Variants in SLIT1 observed in about 807,000 individuals in gnomAD.
SLIT1 encodes slit guidance ligand 1.
Under a neutral mutation model 186.1 loss-of-function variants are expected in SLIT1, and 66 were observed. The ratio of observed to expected loss-of-function variants is 0.35; its 90% CI spans 0.29 to 0.44. The LOEUF is 0.44. Among genes scored for constraint, SLIT1 ranks in the 20% least tolerant of loss-of-function variants. The pLI is 1.00. For synonymous variants in SLIT1, 761 were observed against 833.8 expected, an observed-to-expected ratio of 0.91 and a Z score of 1.50; for missense variants, 1,638 against 2,037.4, an observed-to-expected ratio of 0.80 and a Z score of 3.77.
chr10:97,027,585 T>C (rs1332310850), intron 25 of SLIT1, among the ~76,000 whole-genome samples: 1 of 152,220 alleles, frequency 6.6e-6, no homozygotes, highest in East Asian at 1.9e-4. Context: ...TGATGCCACT[T>C]TCTACAAGTA....
Position 97,047,976 on chromosome 10 carries a change from G to T in SLIT1, c.1486C>A (p.Pro496Thr), listed in dbSNP as rs550157768. Residue 496 changes from proline to threonine, a missense_variant, in exon 15 of 37, where the codon CCA becomes ACA. Physicochemically the swap from Pro to Thr is conservative, Grantham distance 38. Coordinates refer to ENST00000266058, the MANE Select transcript of SLIT1 (RefSeq NM_003061.3). ...TTGGATCCCCCCACTCTCCTACCTGGAATGAAGTACTGCTCTTTGGCTGGG... is the reference window on the plus strand; with the variant it reads ...TTGGATCCCCCCACTCTCCTACCTGTAATGAAGTACTGCTCTTTGGCTGGG... Reference protein sequence around the residue: ...RCSAKEQYFIPGTEDYQLNSE... With the variant: ...RCSAKEQYFITGTEDYQLNSE... 4.3e-6 allele frequency: 7 copies of T among 1,614,020 alleles called. No individual in the cohort carries two copies. Among genetic ancestry groups the T allele is most frequent in the Non-Finnish European group, 5.9e-6 (7 of 1,179,980 alleles).
At chr10:97,013,689 C>G in intron 30 of SLIT1, 52 bp downstream of exon 30, 2 of 1,355,016 alleles carry the variant, frequency 1.5e-6, no homozygotes, top group South Asian at 2.5e-5. Context: ...GGAATCCAGT[C>G]TGACTCAGGG....
intron 4 of SLIT1, among the ~76,000 whole-genome samples, chr10:97,095,743 G>T (rs566984416): frequency 6.6e-6 from 1 of 152,126 alleles, no homozygotes; most frequent in Non-Finnish European, 1.5e-5. Flanking sequence ...TCCAGACCCC[G>T]GTTCAGAGGC....
chr10:97,065,467 C>T (rs1848936439), intron 5 of SLIT1: 1 of 155,310 alleles, frequency 6.4e-6, no homozygotes, highest in South Asian at 2.0e-4. Flanking sequence ...AAGCCTGGAC[C>T]AGAATACATT....
chr10:97,031,523 G>A (rs1055137484), intron 24 of SLIT1, 83 bp downstream of exon 24: 117 of 1,100,084 alleles, frequency 1.1e-4, no homozygotes, highest in Non-Finnish European at 1.4e-4. Context: ...CCCTAGACAT[G>A]GGAACATTTC....
intron 4 of SLIT1, 145 bp from the exon 5 acceptor site, chr10:97,066,231 C>G (rs970893047): frequency 9.0e-6 from 6 of 670,202 alleles, no homozygotes; most frequent in African/African-American, 1.8e-5. Flanking sequence ...AGGACAGTGC[C>G]TGGCCCACAG....
intron 4 of SLIT1, among the ~76,000 whole-genome samples, chr10:97,107,715 C>T (rs1040623270): frequency 2.0e-5 from 3 of 152,168 alleles, no homozygotes; most frequent in Non-Finnish European, 4.4e-5. Flanking sequence ...CCTGCCAAGG[C>T]TCAAGGACCC....
chr10:97,040,093 C>G lies in SLIT1; in HGVS notation c.2192G>C (p.Arg731Pro). The G allele has an allele frequency of 6.3e-7, 1 of 1,589,806 alleles. No homozygotes were observed. The highest frequency in any genetic ancestry group is 8.6e-7 in the Non-Finnish European group (1 of 1,168,576). Residue 731 changes from arginine to proline, a missense_variant, in exon 21 of 37, where the codon CGC becomes CCC. This residue lies in a region of SLIT1 where 1,245 missense variants were observed against 1,535.3 expected (regional missense o/e 0.81). Coordinates refer to ENST00000266058, the MANE Select transcript of SLIT1 (RefSeq NM_003061.3). ...EGQEEGGCLP[R>P]PQCPQECACL... ...GGCGCACTCCTGTGGGCACTGTGGG[C>G]GGGGCAGGCAGCCCCCCTCCTCCTG...
chr10:97,006,666 C>T lies in SLIT1; in HGVS notation c.3396G>A (p.Glu1132=). The change falls in exon 32 of 37, where the codon GAG becomes GAA. Residue 1132 remains glutamate (E), a synonymous_variant. Transcript: ENST00000266058. The surrounding 1 kb of genome is among the most constrained non-coding windows in gnomAD (Gnocchi z 4.0). ...PHLPAPKSPC[E]GTECQNGANC... is the part of the protein sequence containing the mutation. ...TGGCCCCATTCTGGCACTCAGTCCC[C>T]TCACAGGGGCTCTTGGGGGCAGGCA... 1 of 1,614,158 alleles carries T rather than the reference C, an allele frequency of 6.2e-7. No homozygotes were observed. Among genetic ancestry groups the T allele is most frequent in the Non-Finnish European group, 8.5e-7 (1 of 1,180,016 alleles).
At chr10:97,034,734 A>G (rs566085301) in intron 22 of SLIT1, among the ~76,000 whole-genome samples, 192 bp from the exon 23 acceptor site, 38 of 151,780 alleles carry the variant, frequency 2.5e-4, no homozygotes, top group African/African-American at 8.9e-4. Flanking sequence ...TGCTCCCTCA[A>G]CTCCCTCAGG....
At chr10:97,091,265 T>C (rs1849228830) in intron 4 of SLIT1, among the ~76,000 whole-genome samples, 1 of 152,156 alleles carries the variant, frequency 6.6e-6, no homozygotes, top group Non-Finnish European at 1.5e-5. Flanking sequence ...TGCCATCTTC[T>C]CCCCTGGAGA....
chr10:97,185,442 CGGAGCCAG>C (rs1384479216), intron 1 of SLIT1, 28 bp downstream of exon 1: 1 of 1,595,626 alleles, frequency 6.3e-7, no homozygotes, highest in Admixed American at 1.7e-5. Context: ...AGGGCAACCT[CGGAGCCAG>C]GGAGCCAGGG....
At chr10:97,103,102 C>T (rs1849376487) in intron 4 of SLIT1, 1 of 152,336 alleles carries the variant, frequency 6.6e-6, no homozygotes, top group Non-Finnish European at 1.5e-5. Flanking sequence ...AGCAGCTTCA[C>T]TCATGCAGGT....
intron 4 of SLIT1, among the ~76,000 whole-genome samples, chr10:97,070,734 CT>C (rs2134645554): frequency 6.6e-6 from 1 of 152,354 alleles, no homozygotes; most frequent in Non-Finnish European, 1.5e-5. Flanking sequence ...CACGCCAAAT[CT>C]GCCAATACCT....
intron 4 of SLIT1, among the ~76,000 whole-genome samples, chr10:97,085,760 T>C (rs778759955): frequency 2.0e-5 from 3 of 152,238 alleles, no homozygotes; most frequent in Admixed American, 6.5e-5. Flanking sequence ...TCATTTAATC[T>C]TGTGTTACAG....
intron 4 of SLIT1, among the ~76,000 whole-genome samples, chr10:97,101,079 A>G (rs1396084649): frequency 6.6e-6 from 1 of 152,162 alleles, no homozygotes; most frequent in Admixed American, 6.5e-5. Flanking sequence ...CCCCAAGGGG[A>G]CTGTGGAGGC....
chr10:97,063,753 G>A, intron 7 of SLIT1, 135 bp from the exon 8 acceptor site: 1 of 969,970 alleles, frequency 1.0e-6, no homozygotes, highest in Non-Finnish European at 1.5e-6. Context: ...TAGTCAAGTA[G>A]ACGGCTCAGC....
In SLIT1 at chr10:97,010,077, A is replaced by C. The variant is rs1848397794; in HGVS notation, c.3341+916T>G. On this transcript the variant is annotated intron_variant, in intron 31 of 36. Coordinates refer to ENST00000266058, the MANE Select transcript of SLIT1 (RefSeq NM_003061.3). This position sits in a 1 kb window ranked among gnomAD's most constrained non-coding sequence, Gnocchi z 4.8. ...CTACGCATATACCCAAGAGACTGAA[A>C]AATGTATGTCTACACAAAAACCTGT... Among the ~76,000 whole-genome samples, 1 of 152,262 alleles carries C rather than the reference A, an allele frequency of 6.6e-6. No individual in the cohort carries two copies. Among genetic ancestry groups the C allele is most frequent in the Non-Finnish European group, 1.5e-5 (1 of 68,050 alleles).
intron 5 of SLIT1, chr10:97,065,566 C>T (rs913708644): frequency 5.9e-6 from 1 of 168,988 alleles, no homozygotes; most frequent in Non-Finnish European, 1.3e-5. Flanking sequence ...TCAGAACATG[C>T]CTGTGAAGTA....
Sources: allele counts gnomAD v4.1 joint callset (sites outside exome capture counted in the v4.1 genomes callset), GRCh38; gene constraint gnomAD v4.1.1; regional missense constraint gnomAD v4.1.1; non-coding constraint Gnocchi (gnomAD v3.1); transcripts MANE v1.5; gene names NCBI Gene and HGNC (gene_info 2026-07-23, HGNC 2026-07-21).